R3HDM1: variants seen among roughly 807,000 people sequenced by gnomAD.
The protein encoded by R3HDM1 is R3H domain-containing protein 1.
Under a neutral mutation model 141.1 loss-of-function variants are expected in R3HDM1, and 46 were observed. The ratio of observed to expected loss-of-function variants is 0.33; its 90% CI spans 0.26 to 0.42. The LOEUF is 0.42. Among genes scored for constraint, R3HDM1 ranks in the 10% least tolerant of loss-of-function variants. R3HDM1 has a pLI of 1.00. For missense variants in R3HDM1, 1,184 were observed against 1,368.3 expected (o/e 0.87, Z 2.12); for synonymous variants, 435 against 472.9 (o/e 0.92, Z 1.04).
chr2:135,629,432 A>C (rs2062408740), intron 7 of R3HDM1, among the ~76,000 whole-genome samples: 1 of 152,228 alleles, frequency 6.6e-6, no homozygotes. Flanking sequence ...CCTAAAATTT[A>C]AGAAAAACAA....
chr2:135,563,118 T>G (rs1288302565), intron 1 of R3HDM1, among the ~76,000 whole-genome samples: 1 of 152,182 alleles, frequency 6.6e-6, no homozygotes, highest in Non-Finnish European at 1.5e-5. Context: ...ATAACCTAAT[T>G]TTTTCATTTA....
In R3HDM1 at chr2:135,715,636, C is replaced by T. The variant is rs925191237; in HGVS notation, c.2823C>T (p.Pro941=). 7.4e-5 allele frequency: 120 copies of T among 1,613,830 alleles called. No individual in the cohort carries two copies. Among genetic ancestry groups the T allele is most frequent in the Non-Finnish European group, 9.8e-5 (116 of 1,179,914 alleles). Residue 941 remains proline (P), a synonymous_variant, in exon 24 of 27, where the codon CCC becomes CCT. Transcript: ENST00000683871. ...AQLSTLKTVR[P]SGPPLSIMPQ... ...TGTCCACCCTGAAAACTGTACGTCC[C>T]TCTGGACCACCACTTTCCATCATGC...
intron 1 of R3HDM1, chr2:135,597,333 T>C: frequency 1.1e-6 from 1 of 926,610 alleles, no homozygotes; most frequent in Non-Finnish European, 1.3e-6. Context: ...TCTGTGGTTA[T>C]TTGGTAAATT....
intron 1 of R3HDM1, chr2:135,550,109 T>A: frequency 1.0e-6 from 1 of 984,446 alleles, no homozygotes. Context: ...TAAGTCCATA[T>A]GATAAATTAC....
chr2:135,699,016 TAGATAGATAGATAGATAGATA>T (rs2073745094), intron 21 of R3HDM1, among the ~76,000 whole-genome samples: 1 of 116,778 alleles, frequency 8.6e-6, no homozygotes, highest in Non-Finnish European at 2.0e-5. Context: ...GATAGATAGA[TAGATAGATAGATAGATAGATA>T]GATAGATAAG....
At chr2:135,563,143 C>T (rs1323829249) in intron 1 of R3HDM1, among the ~76,000 whole-genome samples, 3 of 152,140 alleles carry the variant, frequency 2.0e-5, no homozygotes, top group African/African-American at 7.2e-5. Context: ...TTGCAACTAA[C>T]AAGTAGTCTA....
At chr2:135,697,718 G>T (rs2073472941) in intron 21 of R3HDM1, among the ~76,000 whole-genome samples, 1 of 151,892 alleles carries the variant, frequency 6.6e-6, no homozygotes, top group Admixed American at 6.6e-5. Context: ...TGTTCTTTTG[G>T]GATACATATA....
At chr2:135,703,674 C>T (rs1318972802) in intron 21 of R3HDM1, among the ~76,000 whole-genome samples, 4 of 151,910 alleles carry the variant, frequency 2.6e-5, no homozygotes, top group African/African-American at 9.7e-5. Flanking sequence ...TAAATTAATG[C>T]TTTTATAAAT....
chr2:135,582,801 GC>G (rs1000132064), intron 1 of R3HDM1, among the ~76,000 whole-genome samples: 3 of 151,692 alleles, frequency 2.0e-5, no homozygotes, highest in Admixed American at 6.6e-5. Flanking sequence ...GTCTCCTTCT[GC>G]CCCTGTAACA....
At chr2:135,533,343 G>A (rs1695336069) in intron 1 of R3HDM1, among the ~76,000 whole-genome samples, 1 of 152,192 alleles carries the variant, frequency 6.6e-6, no homozygotes. Context: ...CAGAGTTCCT[G>A]TAACATATAT....
chr2:135,549,524 G>A (rs912717276), intron 1 of R3HDM1, among the ~76,000 whole-genome samples: 1 of 138,598 alleles, frequency 7.2e-6, no homozygotes, highest in Non-Finnish European at 1.5e-5. Context: ...TTGCGCCATT[G>A]CACTCCAGCC....
chr2:135,661,669 G>A (rs187396285), intron 19 of R3HDM1, among the ~76,000 whole-genome samples: 3 of 152,300 alleles, frequency 2.0e-5, no homozygotes, highest in Admixed American at 2.0e-4. Context: ...CTGCCATTGA[G>A]ATTGAAACTG....
At position 135,661,288 on chromosome 2, in the gene R3HDM1, G is replaced by A. The variant is rs144077610; in HGVS notation, c.2047G>A (p.Ala683Thr). 1.1e-5 allele frequency: 18 copies of A among 1,613,838 alleles called. No individual in the cohort carries two copies. The highest frequency in any genetic ancestry group is 8.9e-5 in the East Asian group (4 of 44,882). ...PSPQMPACYC[A>T]PGHYHSSQPQ... Reference sequence around the variant, plus strand: ...ATCCTAGATGCCAGCCTGTTATTGCGCTCCAGGCCACTATCACTCCAGCCA... The same window carrying A: ...ATCCTAGATGCCAGCCTGTTATTGCACTCCAGGCCACTATCACTCCAGCCA... The change falls in exon 19 of 27, where the codon GCT (alanine) becomes ACT (threonine). Residue 683 changes from alanine to threonine, a missense_variant. Around this residue, in one of 5 missense-constraint regions of R3HDM1, gnomAD observed 563 missense variants for 562.0 expected, o/e 1.00. Coordinates refer to ENST00000683871, the MANE Select transcript of R3HDM1 (RefSeq NM_001378107.1).
At chr2:135,568,756 A>G (rs995597861) in intron 1 of R3HDM1, 3 of 152,230 alleles carry the variant, frequency 2.0e-5, no homozygotes, top group African/African-American at 7.2e-5. Flanking sequence ...TTCTATTCAT[A>G]GGGCGTATTG....
intron 1 of R3HDM1, among the ~76,000 whole-genome samples, chr2:135,566,484 C>T (rs1392784532): frequency 6.6e-6 from 1 of 152,074 alleles, no homozygotes; most frequent in East Asian, 1.9e-4. Flanking sequence ...TTTGAGAACT[C>T]GGAAATTTTG....
At chr2:135,550,930 A>G (rs1377006052) in intron 1 of R3HDM1, among the ~76,000 whole-genome samples, 1 of 152,202 alleles carries the variant, frequency 6.6e-6, no homozygotes, top group Non-Finnish European at 1.5e-5. Context: ...AGACTTTGTA[A>G]TGTTCTTAGA....
rs142199868 is a variant in R3HDM1, at chr2:135,618,031, G to A, written c.303+1274G>A. Reference sequence around the variant, plus strand: ...TTAGAATATGCACTGTTTTTGAAAAGCACTACATTTTATTGCTTGAAAATG... The same window carrying A: ...TTAGAATATGCACTGTTTTTGAAAAACACTACATTTTATTGCTTGAAAATG... On this transcript the variant is annotated intron_variant, in intron 5 of 26. Transcript: ENST00000683871. Among the ~76,000 whole-genome samples the A allele has an allele frequency of 3.0e-3, 452 of 152,242 alleles. 3 individuals carry two copies. Among genetic ancestry groups the A allele is most frequent in the African/African-American group, 0.01 (420 of 41,532 alleles).
rs533594576 is a variant in R3HDM1 at position 135,696,031 on chromosome 2, C to T, written c.2460-13402C>T. On this transcript the variant is annotated intron_variant, in intron 21 of 26. Transcript: ENST00000683871. ...GAAACAGTTTGTTTTAAACGTTAAA[C>T]CCAATTATTCCACTTCCAAGTATTT... Among the ~76,000 whole-genome samples the T allele has an allele frequency of 5.9e-5, 9 of 152,226 alleles. No homozygotes were observed. The East Asian group carries it at 1.7e-3, about 29-fold the overall frequency.
intron 16 of R3HDM1, among the ~76,000 whole-genome samples, chr2:135,646,363 C>T (rs1210803857): frequency 6.6e-6 from 1 of 151,194 alleles, no homozygotes; most frequent in Non-Finnish European, 1.5e-5. Context: ...TCTCGATCTC[C>T]TGACCTCGTG....
Sources: allele counts gnomAD v4.1 joint callset (sites outside exome capture counted in the v4.1 genomes callset), GRCh38; gene constraint gnomAD v4.1.1; regional missense constraint gnomAD v4.1.1; transcripts MANE v1.5; gene names NCBI Gene and HGNC (gene_info 2026-07-23, HGNC 2026-07-21).